The following CHCHD6 variants were observed in gnomAD, a reference collection of about 807,000 sequenced individuals.
The protein encoded by CHCHD6 is coiled-coil-helix-coiled-coil-helix domain containing 6, also known as MICOS complex subunit MIC25.
In CHCHD6, 28 loss-of-function variants were observed where a neutral mutation model predicts 32.3. The observed-to-expected ratio is 0.87, with a 90% CI of 0.64 to 1.19. The LOEUF is 1.19. CHCHD6 is among the 50% of genes most tolerant of loss of function. The probability of loss-of-function intolerance (pLI) is 0.00; values close to 1 mark genes in which losing one functional copy is unlikely to be tolerated. For synonymous variants in CHCHD6, 122 were observed against 117.5 expected (o/e 1.04, Z -0.25); for missense variants, 333 against 307.0 (o/e 1.08, Z -0.63).
chr3:126,704,998 C>T (rs1220830537), intron 1 of CHCHD6, among the ~76,000 whole-genome samples: 2 of 152,048 alleles, frequency 1.3e-5, no homozygotes, highest in African/African-American at 2.4e-5. Flanking sequence ...CATCTCGTGC[C>T]ATTTCCCTCG....
intron 4 of CHCHD6, among the ~76,000 whole-genome samples, chr3:126,761,189 T>C (rs535150578): frequency 6.6e-6 from 1 of 152,330 alleles, no homozygotes; most frequent in East Asian, 1.9e-4. Context: ...ATTAATTTTG[T>C]TTTTAATATT....
At chr3:126,754,338 G>A (rs1936861272) in intron 4 of CHCHD6, among the ~76,000 whole-genome samples, 1 of 152,188 alleles carries the variant, frequency 6.6e-6, no homozygotes, top group Admixed American at 6.5e-5. Context: ...TGCTTCACCT[G>A]CCATAGGTCC....
chr3:126,883,060 G>A (rs569609357), intron 5 of CHCHD6, among the ~76,000 whole-genome samples: 1 of 152,298 alleles, frequency 6.6e-6, no homozygotes, highest in Admixed American at 6.5e-5. Context: ...ACATAATGAA[G>A]CCTCTATAAA....
chr3:126,922,622 C>CGTGTGTGTGT (rs10544737), intron 6 of CHCHD6, among the ~76,000 whole-genome samples: 2 of 147,740 alleles, frequency 1.4e-5, no homozygotes, highest in African/African-American at 2.5e-5. Flanking sequence ...CAGCCCACCA[C>CGTGTGTGTGT]GTGTGTGTGT....
rs193230638 is a variant in CHCHD6 at position 126,737,046 on chromosome 3, C to T, written c.411+3824C>T. On this transcript the variant is annotated intron_variant, in intron 4 of 7. Coordinates refer to ENST00000290913, the MANE Select transcript of CHCHD6 (RefSeq NM_032343.3). ...GAAAGCAAAAACTTTCTTGGCTGGG[C>T]GCGGTGGCTCACACCTGTAATACCA... Among the ~76,000 whole-genome samples, 50 of 152,106 alleles carry T rather than the reference C, an allele frequency of 3.3e-4. No homozygotes were observed. In the East Asian group the frequency reaches 3.9e-3, roughly 12 times the overall value.
At chr3:126,705,923 A>G (rs138409442) in intron 1 of CHCHD6, among the ~76,000 whole-genome samples, 1 of 152,296 alleles carries the variant, frequency 6.6e-6, no homozygotes, top group African/African-American at 2.4e-5. Flanking sequence ...TGCTTTGTGG[A>G]GGCCTCTCTT....
At chr3:126,810,781 A>AG (rs1939621846) in intron 4 of CHCHD6, among the ~76,000 whole-genome samples, 1 of 152,240 alleles carries the variant, frequency 6.6e-6, no homozygotes, top group Admixed American at 6.5e-5. Flanking sequence ...AGCTTATTAG[A>AG]GAAGGCTCAG....
At position 126,714,076 on chromosome 3, in the gene CHCHD6, C is replaced by CAAAAAAA. The variant is rs1157910763; in HGVS notation, c.87+9698_87+9704dup. Among the ~76,000 whole-genome samples, 30 of 28,878 alleles carry CAAAAAAA rather than the reference C, an allele frequency of 1.0e-3. 5 individuals are homozygous for CAAAAAAA. The highest frequency in any genetic ancestry group is 3.3e-3 in the African/African-American group (27 of 8,142). The allele number at this position is 28,878 out of a possible 152,430, so 18.9% of individuals were successfully genotyped here. The stretch of plus-strand genomic sequence containing the variant: ...TGGGCGACAGAGCCAGACTGCATCT[C>CAAAAAAA]AAAAAAAAAAAAAAAAAAAAAAAAA... On this transcript the variant is annotated intron_variant, in intron 1 of 7. Transcript: ENST00000290913.
intron 5 of CHCHD6, among the ~76,000 whole-genome samples, chr3:126,864,328 C>T (rs1370408208): frequency 6.6e-6 from 1 of 150,886 alleles, no homozygotes; most frequent in Non-Finnish European, 1.5e-5. Context: ...TCCACCTCCA[C>T]CACCACCTCA....
intron 1 of CHCHD6, among the ~76,000 whole-genome samples, chr3:126,724,955 C>T (rs1399564205): frequency 2.6e-5 from 4 of 152,224 alleles, no homozygotes; most frequent in African/African-American, 4.8e-5. Flanking sequence ...GTTTCCACAA[C>T]ATCTGCAGTG....
intron 3 of CHCHD6, among the ~76,000 whole-genome samples, chr3:126,731,572 C>G (rs140408900): frequency 3.3e-5 from 5 of 152,172 alleles, no homozygotes; most frequent in African/African-American, 1.2e-4. Flanking sequence ...TGGATGCTCA[C>G]AGTAGTTGTT....
At chr3:126,922,414 A>T (rs1038513890) in intron 6 of CHCHD6, among the ~76,000 whole-genome samples, 1 of 152,202 alleles carries the variant, frequency 6.6e-6, no homozygotes, top group Non-Finnish European at 1.5e-5. Flanking sequence ...AAATGTGATA[A>T]TCCACATTTG....
chr3:126,886,374 C>T (rs929809442), intron 5 of CHCHD6, among the ~76,000 whole-genome samples: 2 of 152,152 alleles, frequency 1.3e-5, no homozygotes, highest in Non-Finnish European at 2.9e-5. Context: ...GGGATCTCCC[C>T]CTCTCCCCCT....
rs563478133 is a variant in CHCHD6, at chr3:126,801,725, G to A, written c.412-50922G>A. Reference sequence around the variant, plus strand: ...AAGAGAGCAGTGGTTCTCCCAGCACGCAGCTGGAGATCTGAGAACGGGCAG... The same window carrying A: ...AAGAGAGCAGTGGTTCTCCCAGCACACAGCTGGAGATCTGAGAACGGGCAG... On this transcript the variant is annotated intron_variant, in intron 4 of 7. Transcript: ENST00000290913. Among the ~76,000 whole-genome samples the A allele has an allele frequency of 1.1e-4, 16 of 152,322 alleles. No individual in the cohort carries two copies. In the South Asian group the frequency reaches 2.3e-3, roughly 22 times the overall value.
At chr3:126,822,385 T>C (rs1940189005) in intron 4 of CHCHD6, among the ~76,000 whole-genome samples, 1 of 152,154 alleles carries the variant, frequency 6.6e-6, no homozygotes, top group Non-Finnish European at 1.5e-5. Context: ...AATATAAGGG[T>C]TGATTATATT....
chr3:126,936,257 G>T (rs2078478984), intron 6 of CHCHD6, among the ~76,000 whole-genome samples: 1 of 151,734 alleles, frequency 6.6e-6, no homozygotes, highest in Non-Finnish European at 1.5e-5. Context: ...TGTGTAGAGG[G>T]GTGGTGATGC....
intron 4 of CHCHD6, among the ~76,000 whole-genome samples, chr3:126,827,981 A>G (rs1337968896): frequency 1.3e-5 from 2 of 151,984 alleles, no homozygotes; most frequent in African/African-American, 2.4e-5. Flanking sequence ...TCCTTCACCT[A>G]TTAACTCCTA....
In CHCHD6 at chr3:126,804,138, C is replaced by A. The variant is rs1256287860; in HGVS notation, c.412-48509C>A. On this transcript the variant is annotated intron_variant, in intron 4 of 7. Coordinates refer to ENST00000290913, the MANE Select transcript of CHCHD6 (RefSeq NM_032343.3). The stretch of plus-strand genomic sequence containing the variant: ...AAAGATCCAAAATTGACACCCTAAC[C>A]TCACAATTAAAAGAACTAGAAAAGC... Among the ~76,000 whole-genome samples the A allele has an allele frequency of 7.2e-5, 11 of 151,898 alleles. No individual in the cohort carries two copies. The East Asian group carries it at 1.5e-3, about 21-fold the overall frequency.
rs572898795 is a variant in CHCHD6 at position 126,844,527 on chromosome 3, C to T, written c.412-8120C>T. Among the ~76,000 whole-genome samples, 25 of 152,202 alleles carry T rather than the reference C, an allele frequency of 1.6e-4. No homozygotes were observed. The South Asian group carries it at 5.2e-3, about 32-fold the overall frequency. On this transcript the variant is annotated intron_variant, in intron 4 of 7. Transcript: ENST00000290913. ...TTAACTAATATTAATATAGCTACAC[C>T]AGCTTTTTTATACTTAGCATTTGCA...
Sources: gnomAD v4.1 joint callset for allele counts (sites outside exome capture counted in the v4.1 genomes callset) on GRCh38, gnomAD v4.1.1 for gene constraint, MANE v1.5 for transcripts, NCBI Gene and HGNC (gene_info 2026-07-23, HGNC 2026-07-21) for gene names.